The following MDGA2 variants were observed in gnomAD, a reference collection of about 807,000 sequenced individuals.
The protein encoded by MDGA2 is MAM domain-containing glycosylphosphatidylinositol anchor protein 2.
Under a neutral mutation model 117.8 loss-of-function variants are expected in MDGA2, and 40 were observed. The observed-to-expected ratio is 0.34, with a 90% CI of 0.26 to 0.44. MDGA2 has a LOEUF of 0.44. Among genes scored for constraint, MDGA2 ranks in the 20% least tolerant of loss-of-function variants. MDGA2 has a pLI of 1.00. For synonymous variants in MDGA2, 452 were observed against 439.0 expected, an observed-to-expected ratio of 1.03 and a Z score of -0.37; for missense variants, 1,123 against 1,250.6, an observed-to-expected ratio of 0.90 and a Z score of 1.54.
intron 1 of MDGA2, among the ~76,000 whole-genome samples, chr14:47,541,124 C>T (rs1673343979): frequency 1.3e-5 from 2 of 151,736 alleles, no homozygotes; most frequent in African/African-American, 4.8e-5. Context: ...GGGGTGAGTC[C>T]CTGAGTGAAG....
At chr14:47,305,479 G>A (rs1262626641) in intron 1 of MDGA2, among the ~76,000 whole-genome samples, 1 of 152,174 alleles carries the variant, frequency 6.6e-6, no homozygotes. Context: ...GCTTTGGGTT[G>A]AAGAGGTCAG....
intron 6 of MDGA2, among the ~76,000 whole-genome samples, chr14:47,082,667 C>T (rs2138898832): frequency 6.6e-6 from 1 of 151,806 alleles, no homozygotes; most frequent in Admixed American, 6.6e-5. Flanking sequence ...GTTTTTCATA[C>T]AAAATAAATG....
intron 3 of MDGA2, among the ~76,000 whole-genome samples, chr14:47,177,068 C>G (rs1485624287): frequency 1.3e-5 from 2 of 152,228 alleles, no homozygotes; most frequent in South Asian, 2.1e-4. Flanking sequence ...CCATCACTGG[C>G]CATCAGAGAA....
At chr14:47,580,282 T>C (rs183505375) in intron 1 of MDGA2, among the ~76,000 whole-genome samples, 5 of 152,158 alleles carry the variant, frequency 3.3e-5, no homozygotes, top group African/African-American at 9.6e-5. Flanking sequence ...CCACTCCTCA[T>C]AGATTTTTGC....
intron 14 of MDGA2, among the ~76,000 whole-genome samples, chr14:46,856,570 GTGTT>G (rs1407493498): frequency 1.3e-5 from 2 of 151,996 alleles, no homozygotes; most frequent in African/African-American, 4.8e-5. Context: ...TAATTTTTGT[GTGTT>G]TGGTGAGTTT....
At chr14:47,187,295 A>G (rs1884946032) in intron 3 of MDGA2, among the ~76,000 whole-genome samples, 1 of 152,072 alleles carries the variant, frequency 6.6e-6, no homozygotes, top group Non-Finnish European at 1.5e-5. Context: ...TAGGCTTGGA[A>G]TTAGTAATTT....
chr14:47,414,027 CATTT>C (rs771386405), intron 1 of MDGA2, among the ~76,000 whole-genome samples: 27 of 151,952 alleles, frequency 1.8e-4, no homozygotes, highest in Non-Finnish European at 3.8e-4. Context: ...AAGAAGATCA[CATTT>C]ATAAAATGAT....
At chr14:47,018,841 G>T in intron 8 of MDGA2, among the ~76,000 whole-genome samples, 1 of 63,682 alleles carries the variant, frequency 1.6e-5, no homozygotes, top group African/African-American at 3.8e-5. Context: ...ACCTATTGAT[G>T]CTGTTGAACT....
intron 9 of MDGA2, among the ~76,000 whole-genome samples, chr14:46,944,048 T>C (rs1431768488): frequency 6.6e-6 from 1 of 152,068 alleles, no homozygotes; most frequent in Non-Finnish European, 1.5e-5. Context: ...CTTTACCCAC[T>C]TATTTACTAT....
chr14:47,066,366 G>T (rs1478744666), intron 6 of MDGA2, among the ~76,000 whole-genome samples: 1 of 152,166 alleles, frequency 6.6e-6, no homozygotes, highest in Non-Finnish European at 1.5e-5. Context: ...TGTTAATTTT[G>T]ATTTTGTGTT....
At position 47,061,445 on chromosome 14, in the gene MDGA2, A is replaced by T. The variant is rs773264283; in HGVS notation, c.1329T>A (p.Phe443Leu). The T allele has an allele frequency of 6.2e-7, 1 of 1,613,636 alleles. No individual in the cohort carries two copies. Among genetic ancestry groups the T allele is most frequent in the South Asian group, 1.1e-5 (1 of 91,082 alleles). Residue 443 changes from phenylalanine (F) to leucine (L), a missense_variant, in exon 7 of 17, where the codon TTT (phenylalanine) becomes TTA (leucine). Around this residue, in one of 2 missense-constraint regions of MDGA2, gnomAD observed 890 missense variants for 1,050.3 expected, o/e 0.85. Transcript: ENST00000399232. ...AACTTCTTAATGGACGACCATTTTT[A>T]AACCAACTAAATGTTAGCTCCTCAG... is the stretch of plus-strand genomic sequence containing the variant. ...VPSEELTFSW[F>L]KNGRPLRSSE...
At chr14:47,119,488 A>T (rs1881538731) in intron 5 of MDGA2, among the ~76,000 whole-genome samples, 1 of 152,180 alleles carries the variant, frequency 6.6e-6, no homozygotes, top group Admixed American at 6.5e-5. Flanking sequence ...TTCAGTGAAT[A>T]TTTCAGTTCC....
chr14:47,660,564 A>G (rs140439629), intron 1 of MDGA2, among the ~76,000 whole-genome samples: 1 of 152,330 alleles, frequency 6.6e-6, no homozygotes, highest in African/African-American at 2.4e-5. Flanking sequence ...GAACACAACA[A>G]GATTGTCAAG....
chr14:47,466,637 G>A (rs1893610386), intron 1 of MDGA2, among the ~76,000 whole-genome samples: 1 of 152,102 alleles, frequency 6.6e-6, no homozygotes, highest in Non-Finnish European at 1.5e-5. Context: ...TGTAATGAAT[G>A]CGTTCTCATT....
intron 6 of MDGA2, among the ~76,000 whole-genome samples, chr14:47,072,098 G>GT (rs1167907316): frequency 2.6e-5 from 2 of 77,238 alleles, no homozygotes; most frequent in South Asian, 5.3e-4. Context: ...GGTTGTTGTT[G>GT]TTTGGGGGGG....
intron 1 of MDGA2, among the ~76,000 whole-genome samples, chr14:47,669,486 T>C (rs891364476): frequency 6.6e-6 from 1 of 152,132 alleles, no homozygotes. Context: ...CAGGGAAATA[T>C]AGGACATGAG....
intron 1 of MDGA2, among the ~76,000 whole-genome samples, chr14:47,429,200 G>A (rs1172022679): frequency 1.1e-4 from 17 of 151,820 alleles, no homozygotes; most frequent in Non-Finnish European, 4.4e-5. Flanking sequence ...ACTCCAACCT[G>A]AGCAACAGGG....
At chr14:47,263,073 T>G (rs1170556441) in intron 2 of MDGA2, among the ~76,000 whole-genome samples, 1 of 152,084 alleles carries the variant, frequency 6.6e-6, no homozygotes, top group African/African-American at 2.4e-5. Context: ...AAGGCAAATT[T>G]AGCAGGGTAA....
intron 2 of MDGA2, among the ~76,000 whole-genome samples, chr14:47,238,755 G>C (rs1436760589): frequency 1.3e-5 from 2 of 151,384 alleles, no homozygotes; most frequent in Non-Finnish European, 3.0e-5. Context: ...GGAACAAAAA[G>C]GAGATATATT....
Sources: gnomAD v4.1 joint callset for allele counts (sites outside exome capture counted in the v4.1 genomes callset) on GRCh38, gnomAD v4.1.1 for gene constraint, gnomAD v4.1.1 regional missense constraint, MANE v1.5 for transcripts, NCBI Gene and HGNC (gene_info 2026-07-23, HGNC 2026-07-21) for gene names.